MYO10: variants seen among roughly 807,000 people sequenced by gnomAD.
The protein encoded by MYO10 is unconventional myosin-X.
In MYO10, 133 loss-of-function variants were observed where a neutral mutation model predicts 257.3. The observed-to-expected ratio is 0.52, with a 90% CI of 0.45 to 0.60. The LOEUF (loss-of-function observed/expected upper bound fraction) is 0.60, where lower values mean the gene tolerates loss of function less well. Among genes scored for constraint, MYO10 ranks in the 20% least tolerant of loss-of-function variants. The pLI, the probability that MYO10 is intolerant of heterozygous loss-of-function variation, is 0.00. For missense variants in MYO10, 2,399 were observed against 2,635.7 expected (o/e 0.91, Z 1.97); for synonymous variants, 1,104 against 1,028.6 (o/e 1.07, Z -1.40).
intron 1 of MYO10, among the ~76,000 whole-genome samples, chr5:16,894,792 G>A (rs572306795): frequency 7.9e-4 from 121 of 152,292 alleles, no homozygotes; most frequent in African/African-American, 2.8e-3. Context: ...CGGTGTTGGA[G>A]GGGAAGCCAG....
In MYO10 at chr5:16,673,846, G is replaced by A. The variant is rs547603553; in HGVS notation, c.5008C>T (p.Leu1670Phe). ...TTCTTAAGAGATTCGTAAGTGAAGA[G>A]AGCGTATTTTTCCATCTCGCTTCCT... ...FPGSEMEKYALFTYESLKKTK... is the reference protein window; with the variant it reads ...FPGSEMEKYAFFTYESLKKTK... The change falls in exon 36 of 41, where the codon CTC (leucine) becomes TTC (phenylalanine). Residue 1670 changes from leucine (L) to phenylalanine (F), a missense_variant. Leu to Phe is a conservative substitution (Grantham distance 22). Transcript: ENST00000513610. 6.2e-7 allele frequency: 1 copy of A among 1,613,970 alleles called. No homozygotes were observed. Among genetic ancestry groups the A allele is most frequent in the East Asian group, 2.2e-5 (1 of 44,870 alleles).
intron 2 of MYO10, among the ~76,000 whole-genome samples, chr5:16,824,356 T>C (rs1742937540): frequency 6.6e-6 from 1 of 152,082 alleles, no homozygotes; most frequent in Non-Finnish European, 1.5e-5. Flanking sequence ...TTTTGGTTGT[T>C]AGAATTTGGG....
intron 3 of MYO10, among the ~76,000 whole-genome samples, chr5:16,806,412 A>G (rs10045693): frequency 0.05 from 7,548 of 151,834 alleles, 610 homozygotes; most frequent in African/African-American, 0.17. Context: ...TTTGGGAGGC[A>G]GAGGCGGGCG....
At chr5:16,777,795 T>C (rs1438981942) in intron 9 of MYO10, among the ~76,000 whole-genome samples, 1 of 151,162 alleles carries the variant, frequency 6.6e-6, no homozygotes, top group African/African-American at 2.4e-5. Flanking sequence ...GCATTTGTGA[T>C]GATTAGAATG....
intron 2 of MYO10, among the ~76,000 whole-genome samples, chr5:16,855,500 T>A (rs1743935694): frequency 6.6e-6 from 1 of 152,234 alleles, no homozygotes. Context: ...ATACATCTTA[T>A]ATCAGAAAAA....
At chr5:16,847,543 G>A (rs1035806905) in intron 2 of MYO10, among the ~76,000 whole-genome samples, 2 of 151,986 alleles carry the variant, frequency 1.3e-5, no homozygotes, top group African/African-American at 4.8e-5. Flanking sequence ...GATCAGTCTA[G>A]GCAACATGGC....
intron 1 of MYO10, among the ~76,000 whole-genome samples, chr5:16,930,233 G>C (rs1286013724): frequency 1.3e-5 from 2 of 152,170 alleles, no homozygotes; most frequent in African/African-American, 4.8e-5. Context: ...ACCTGTTAGA[G>C]ACGGTTTCAA....
chr5:16,808,127 T>C (rs1219675872), intron 3 of MYO10, among the ~76,000 whole-genome samples: 1 of 152,180 alleles, frequency 6.6e-6, no homozygotes, highest in African/African-American at 2.4e-5. Flanking sequence ...GCCCACTATC[T>C]TCTACATAAC....
At chr5:16,842,905 A>AG (rs1202274531) in intron 2 of MYO10, among the ~76,000 whole-genome samples, 1 of 150,618 alleles carries the variant, frequency 6.6e-6, no homozygotes, top group East Asian at 2.0e-4. Flanking sequence ...ACTAAAAAAA[A>AG]GAGAGAGAAA....
chr5:16,690,334 G>A (rs256937), intron 27 of MYO10, among the ~76,000 whole-genome samples: 8,269 of 152,234 alleles, frequency 0.054, 647 homozygotes, highest in African/African-American at 0.18. Context: ...AGTGGGGTGG[G>A]GAGTGGGGTG....
intron 36 of MYO10, 139 bp downstream of exon 36, chr5:16,673,542 CA>C (rs1736571894): frequency 1.2e-5 from 9 of 764,582 alleles, no homozygotes; most frequent in Admixed American, 2.7e-5. Context: ...GGGTTACATG[CA>C]TTTCCTTAGT....
chr5:16,691,993 G>A (rs1033590717), intron 27 of MYO10, among the ~76,000 whole-genome samples: 5 of 152,132 alleles, frequency 3.3e-5, no homozygotes. Flanking sequence ...AGGCAGAGGG[G>A]CATCTATACA....
Position 16,675,041 on chromosome 5 carries a change from G to A in MYO10, c.4776C>T (p.Ile1592=). The A allele has an allele frequency of 1.9e-6, 3 of 1,613,970 alleles. No individual in the cohort carries two copies. Among genetic ancestry groups the A allele is most frequent in the Non-Finnish European group, 1.7e-6 (2 of 1,179,898 alleles). Residue 1592 remains isoleucine, a synonymous_variant, in exon 35 of 41, where the codon ATC becomes ATT. Transcript: ENST00000513610. The part of the protein sequence containing the change: ...MSDPIPIIQG[I]LQTGHDLRPL... The stretch of plus-strand genomic sequence containing the variant: ...GTCGCAGGTCATGCCCTGTCTGTAG[G>A]ATGCCCTGGATTATTGGAATTGGGT...
chr5:16,693,032 A>C (rs1343812972), intron 27 of MYO10, among the ~76,000 whole-genome samples: 1 of 152,168 alleles, frequency 6.6e-6, no homozygotes, highest in African/African-American at 2.4e-5. Context: ...TTGGGAGACC[A>C]AGGCAGGCGG....
chr5:16,812,197 G>A (rs1386950721), intron 3 of MYO10, among the ~76,000 whole-genome samples: 2 of 152,172 alleles, frequency 1.3e-5, no homozygotes, highest in African/African-American at 4.8e-5. Flanking sequence ...GAAGTGGCCA[G>A]AGGAAGGATA....
intron 19 of MYO10, among the ~76,000 whole-genome samples, chr5:16,751,838 A>C (rs1361874679): frequency 6.6e-6 from 1 of 152,146 alleles, no homozygotes; most frequent in Non-Finnish European, 1.5e-5. Context: ...ATAGCCTATC[A>C]CTGGTGCGTT....
chr5:16,917,004 C>T (rs939403749), intron 1 of MYO10, among the ~76,000 whole-genome samples: 2 of 152,084 alleles, frequency 1.3e-5, no homozygotes, highest in Non-Finnish European at 2.9e-5. Context: ...TCTGTTCCTT[C>T]GCTTCTTAGG....
chr5:16,670,499 C>T (rs1736395480), intron 39 of MYO10, 27 bp downstream of exon 39: 3 of 1,569,522 alleles, frequency 1.9e-6, no homozygotes, highest in Non-Finnish European at 2.6e-6. Context: ...ACCCAGCCCA[C>T]CCCAACACAC....
intron 3 of MYO10, among the ~76,000 whole-genome samples, chr5:16,813,984 T>C (rs1742520676): frequency 6.6e-6 from 1 of 152,072 alleles, no homozygotes; most frequent in African/African-American, 2.4e-5. Context: ...AACAAGGACC[T>C]CAGTCCTCCA....
Sources: gnomAD v4.1 joint callset for allele counts (sites outside exome capture counted in the v4.1 genomes callset) on GRCh38, gnomAD v4.1.1 for gene constraint, MANE v1.5 for transcripts, NCBI Gene and HGNC (gene_info 2026-07-23, HGNC 2026-07-21) for gene names.